DUSP22: variants seen among roughly 807,000 people sequenced by gnomAD.
The protein encoded by DUSP22 is dual specificity phosphatase 22, also known as dual specificity protein phosphatase 22.
Under a neutral mutation model 24.5 loss-of-function variants are expected in DUSP22, and 24 were observed. The ratio of observed to expected loss-of-function variants is 0.98; its 90% CI spans 0.71 to 1.38. The LOEUF (loss-of-function observed/expected upper bound fraction) is 1.38. Among genes scored for constraint, DUSP22 ranks in the 40% most tolerant of loss-of-function variants. The probability of loss-of-function intolerance (pLI) is 0.00; values close to 1 mark genes in which losing one functional copy is unlikely to be tolerated. For synonymous variants in DUSP22, 160 were observed against 106.4 expected, an observed-to-expected ratio of 1.50 and a Z score of -3.10; for missense variants, 330 against 269.2, an observed-to-expected ratio of 1.23 and a Z score of -1.58.
At chr6:346,031 G>A in intron 5 of DUSP22, 103 bp downstream of exon 5, 1 of 1,436,356 alleles carries the variant, frequency 7.0e-7, no homozygotes, top group Non-Finnish European at 9.7e-7. Flanking sequence ...CCTCCTAATA[G>A]TTTTCTGTAA....
intron 4 of DUSP22, among the ~76,000 whole-genome samples, chr6:340,061 CCTT>C (rs1459934759): frequency 4.6e-5 from 7 of 152,288 alleles, no homozygotes; most frequent in Non-Finnish European, 7.3e-5. Context: ...TAGATTATGT[CCTT>C]CTTTTTGTTG....
intron 4 of DUSP22, among the ~76,000 whole-genome samples, chr6:343,028 C>T (rs1416603903): frequency 2.0e-5 from 3 of 150,084 alleles, no homozygotes; most frequent in Non-Finnish European, 4.4e-5. Flanking sequence ...AGGCTCCCTT[C>T]GTGCCCCACT....
At chr6:313,633 G>A (rs1758207447) in intron 3 of DUSP22, among the ~76,000 whole-genome samples, 1 of 152,288 alleles carries the variant, frequency 6.6e-6, no homozygotes, top group African/African-American at 2.4e-5. Context: ...CTTTTACTTG[G>A]AGACACCCTA....
At chr6:317,558 C>T (rs1285181719) in intron 3 of DUSP22, among the ~76,000 whole-genome samples, 1 of 152,300 alleles carries the variant, frequency 6.6e-6, no homozygotes, top group Non-Finnish European at 1.5e-5. Flanking sequence ...GACTTCGGCC[C>T]CTTTTCTGTA....
At chr6:305,977 C>A (rs1412737794) in intron 2 of DUSP22, among the ~76,000 whole-genome samples, 1 of 152,310 alleles carries the variant, frequency 6.6e-6, no homozygotes, top group Admixed American at 6.5e-5. Context: ...CACCCGTATC[C>A]CCCCAGCTCA....
intron 2 of DUSP22, among the ~76,000 whole-genome samples, chr6:308,138 A>T (rs1320911235): frequency 6.6e-6 from 1 of 152,292 alleles, no homozygotes; most frequent in Non-Finnish European, 1.5e-5. Context: ...GCATGTTCTG[A>T]TCAAGTAGAC....
At chr6:344,439 C>A (rs536816249) in intron 4 of DUSP22, among the ~76,000 whole-genome samples, 4 of 152,410 alleles carry the variant, frequency 2.6e-5, no homozygotes, top group African/African-American at 7.2e-5. Context: ...GCATGCACCA[C>A]CACACCCAGC....
chr6:314,059 C>T (rs930202186), intron 3 of DUSP22, among the ~76,000 whole-genome samples: 9 of 152,290 alleles, frequency 5.9e-5, no homozygotes, highest in South Asian at 2.1e-4. Flanking sequence ...AATTAGCGGA[C>T]GGGTTTGGTG....
chr6:348,303 T>G, intron 6 of DUSP22, 29 bp downstream of exon 6: 1 of 1,613,304 alleles, frequency 6.2e-7, no homozygotes. Context: ...ACATCAGAGA[T>G]GCAGGCAGGT....
chr6:347,885 A>G (rs994971076), intron 5 of DUSP22, among the ~76,000 whole-genome samples: 1 of 152,306 alleles, frequency 6.6e-6, no homozygotes, highest in Non-Finnish European at 1.5e-5. Flanking sequence ...AAGCTCAAAC[A>G]GCAGAAGAAA....
intron 3 of DUSP22, among the ~76,000 whole-genome samples, chr6:321,063 C>T (rs1420832187): frequency 2.6e-5 from 4 of 152,298 alleles, no homozygotes; most frequent in African/African-American, 9.6e-5. Flanking sequence ...GACAAGACAG[C>T]AAGGCTTCAC....
chr6:309,174 A>G (rs1176119924), intron 2 of DUSP22, among the ~76,000 whole-genome samples: 1 of 152,310 alleles, frequency 6.6e-6, no homozygotes, highest in Admixed American at 6.5e-5. Flanking sequence ...GTGAGTCCCC[A>G]TGTGCTATGT....
Position 348,924 on chromosome 6 carries a change from C to G in DUSP22, c.591C>G (p.Thr197=), listed in dbSNP as rs750723449. 2.5e-6 allele frequency: 4 copies of G among 1,610,882 alleles called. No homozygotes were observed. The highest frequency in any genetic ancestry group is 3.4e-6 in the Non-Finnish European group (4 of 1,178,234). The change falls in exon 7 of 7, where the codon ACC becomes ACG. Residue 197 remains threonine (T), a synonymous_variant. Transcript: ENST00000419235. ...GTTTTCCGGCACTGGCTCCGCTGAC[C>G]TACGATAATTATACGACGGAGACCT... ...WSSFPALAPL[T]YDNYTTET
intron 3 of DUSP22, among the ~76,000 whole-genome samples, chr6:317,834 C>T (rs1344740011): frequency 6.6e-6 from 1 of 152,292 alleles, no homozygotes; most frequent in Non-Finnish European, 1.5e-5. Flanking sequence ...CACCATTTAG[C>T]CCCGTTCCAA....
At chr6:304,345 G>T (rs1347589944) in intron 1 of DUSP22, among the ~76,000 whole-genome samples, 2 of 152,310 alleles carry the variant, frequency 1.3e-5, no homozygotes, top group African/African-American at 2.4e-5. Context: ...GGCAGGCGGG[G>T]CAGGGGACTT....
At chr6:340,754 T>C (rs916733680) in intron 4 of DUSP22, among the ~76,000 whole-genome samples, 1 of 152,302 alleles carries the variant, frequency 6.6e-6, no homozygotes, top group African/African-American at 2.4e-5. Context: ...CCAGCTGCCA[T>C]TCAAGGTGCT....
intron 3 of DUSP22, among the ~76,000 whole-genome samples, chr6:329,030 G>A (rs1426664110): frequency 2.0e-5 from 3 of 152,306 alleles, no homozygotes; most frequent in African/African-American, 7.2e-5. Context: ...TAATCAAAAT[G>A]CATGTGCCAC....
At chr6:321,928 A>G (rs1758607892) in intron 3 of DUSP22, among the ~76,000 whole-genome samples, 1 of 152,302 alleles carries the variant, frequency 6.6e-6, no homozygotes, top group Non-Finnish European at 1.5e-5. Context: ...GGTGGAAGAA[A>G]GGGACCAAGC....
At chr6:321,819 G>T (rs1758601419) in intron 3 of DUSP22, among the ~76,000 whole-genome samples, 2 of 152,300 alleles carry the variant, frequency 1.3e-5, no homozygotes, top group Admixed American at 1.3e-4. Context: ...TCATTTCTCA[G>T]ACTGGGGAGT....
Sources: allele counts gnomAD v4.1 joint callset (sites outside exome capture counted in the v4.1 genomes callset), GRCh38; gene constraint gnomAD v4.1.1; transcripts MANE v1.5; gene names NCBI Gene and HGNC (gene_info 2026-07-23, HGNC 2026-07-21).